CCDC126: variants seen among roughly 807,000 people sequenced by gnomAD.
The protein encoded by CCDC126 is coiled-coil domain containing 126.
Under a neutral mutation model 11.7 loss-of-function variants are expected in CCDC126, and 5 were observed. The observed-to-expected ratio is 0.43, with a 90% CI of 0.22 to 0.90. The LOEUF is 0.90. Among genes scored for constraint, CCDC126 ranks in the 40% least tolerant of loss-of-function variants. The pLI is 0.27. For missense variants in CCDC126, 150 were observed against 163.1 expected, an observed-to-expected ratio of 0.92 and a Z score of 0.44; for synonymous variants, 60 against 61.9, an observed-to-expected ratio of 0.97 and a Z score of 0.14.
chr7:23,611,236 T>A lies in CCDC126; in HGVS notation c.-80T>A. On this transcript the variant is annotated 5_prime_UTR_variant, in exon 3 of 4. Coordinates refer to ENST00000307471, the MANE Select transcript of CCDC126 (RefSeq NM_138771.4). The stretch of plus-strand genomic sequence containing the variant: ...ATACAATATTGAGGATATTTTTTTC[T>A]TTTTTTTTTCAAGTCTTGATTTGTG... 1 of 728,734 alleles carries A rather than the reference T, an allele frequency of 1.4e-6. No homozygotes were observed. Among genetic ancestry groups the A allele is most frequent in the Non-Finnish European group, 2.3e-6 (1 of 438,004 alleles). The allele number at this position is 728,734 out of a possible 1,614,324, so 45.1% of individuals were successfully genotyped here.
chr7:23,618,537 A>C (rs2128017414), intron 3 of CCDC126, among the ~76,000 whole-genome samples: 1 of 114,114 alleles, frequency 8.8e-6, no homozygotes, highest in African/African-American at 3.8e-5. Flanking sequence ...AGATCAGCTA[A>C]ATTTTTTTTT....
At chr7:23,635,506 A>G (rs1783194177) in intron 3 of CCDC126, among the ~76,000 whole-genome samples, 1 of 152,244 alleles carries the variant, frequency 6.6e-6, no homozygotes, top group African/African-American at 2.4e-5. Context: ...ATATAGAGAA[A>G]GGAGGATGTT....
chr7:23,605,083 T>C (rs998920313), intron 2 of CCDC126, among the ~76,000 whole-genome samples: 4 of 152,056 alleles, frequency 2.6e-5, no homozygotes, highest in Non-Finnish European at 4.4e-5. Flanking sequence ...TGAAAACATT[T>C]TGAAGCGATG....
At chr7:23,619,488 T>A in intron 3 of CCDC126, 1 of 373,986 alleles carries the variant, frequency 2.7e-6, no homozygotes, top group Middle Eastern at 5.0e-4. Flanking sequence ...CCCAACACCC[T>A]TCCTGCCTAT....
intron 3 of CCDC126, among the ~76,000 whole-genome samples, chr7:23,612,349 C>T (rs1782727373): frequency 6.6e-6 from 1 of 151,260 alleles, no homozygotes; most frequent in East Asian, 1.9e-4. Flanking sequence ...CCTGTAATCC[C>T]AGCTACTCGG....
intron 2 of CCDC126, among the ~76,000 whole-genome samples, chr7:23,604,483 T>C (rs1782589540): frequency 6.6e-6 from 1 of 152,180 alleles, no homozygotes; most frequent in African/African-American, 2.4e-5. Context: ...AGACATTTCC[T>C]GTATTACCTA....
At chr7:23,634,642 C>T (rs906699521) in intron 3 of CCDC126, among the ~76,000 whole-genome samples, 1 of 152,120 alleles carries the variant, frequency 6.6e-6, no homozygotes, top group African/African-American at 2.4e-5. Context: ...TGGCATTTTC[C>T]AAGTTCCCAA....
rs1043281996 is a variant in CCDC126, at chr7:23,641,509, A to G, written c.239-1422A>G. On this transcript the variant is annotated intron_variant, in intron 3 of 3. Transcript: ENST00000307471. ...TTATGCACAAAAGTTTTAAATATCGATGAAGTCCAGTTTATCTATTTTCTC... is the reference window on the plus strand; with the variant it reads ...TTATGCACAAAAGTTTTAAATATCGGTGAAGTCCAGTTTATCTATTTTCTC... Among the ~76,000 whole-genome samples the G allele has an allele frequency of 2.4e-4, 37 of 152,120 alleles. 1 individual carries two copies. Among genetic ancestry groups the G allele is most frequent in the Non-Finnish European group, 5.9e-5 (4 of 68,010 alleles).
chr7:23,640,621 A>G, intron 3 of CCDC126, among the ~76,000 whole-genome samples: 1 of 152,170 alleles, frequency 6.6e-6, no homozygotes. Context: ...AATCTATAAA[A>G]TTTGAGCAGT....
chr7:23,623,064 C>T (rs1348031327), intron 3 of CCDC126, among the ~76,000 whole-genome samples: 3 of 148,950 alleles, frequency 2.0e-5, no homozygotes, highest in African/African-American at 7.5e-5. Flanking sequence ...GCCTCTGCCT[C>T]CCGGGTTCAG....
Position 23,611,636 on chromosome 7 carries a change from A to G in CCDC126, c.238+83A>G, listed in dbSNP as rs529183051. 17 of 931,610 alleles carry G rather than the reference A, an allele frequency of 1.8e-5. No homozygotes were observed. In the East Asian group the frequency reaches 3.1e-4, roughly 17 times the overall value. The allele number at this position is 931,610 out of a possible 1,614,324, so 57.7% of individuals were successfully genotyped here. ...GGAAATTGAACTTATTACTTCATGC[A>G]TAGGTCTTTGCAAAGTAATTTTTTC... On this transcript the variant is annotated intron_variant, in intron 3 of 3. Coordinates refer to ENST00000307471, the MANE Select transcript of CCDC126 (RefSeq NM_138771.4).
At chr7:23,639,440 G>A (rs1045676610) in intron 3 of CCDC126, among the ~76,000 whole-genome samples, 2 of 152,170 alleles carry the variant, frequency 1.3e-5, no homozygotes, top group Non-Finnish European at 2.9e-5. Flanking sequence ...CTGACCTCAA[G>A]TGATCCATCC....
rs1320099931 is a variant in CCDC126, at chr7:23,605,033, C to T, written c.-145-6138C>T. 4.6e-5 allele frequency among the ~76,000 whole-genome samples: 7 copies of T among 151,608 alleles called. 1 individual carries two copies. In the East Asian group the frequency reaches 1.2e-3, roughly 25 times the overall value. On this transcript the variant is annotated intron_variant, in intron 2 of 3. Coordinates refer to ENST00000307471, the MANE Select transcript of CCDC126 (RefSeq NM_138771.4). ...AAAAAAAGAAAATGATAGAGAGTAC[C>T]TTGTGGCTAGAGTGGGATAGGAATT... is the stretch of plus-strand genomic sequence containing the variant.
chr7:23,606,299 C>T (rs535269226), intron 2 of CCDC126, among the ~76,000 whole-genome samples: 29 of 152,278 alleles, frequency 1.9e-4, no homozygotes, highest in African/African-American at 6.5e-4. Flanking sequence ...ACCTCGTGAT[C>T]TGCCTGCCTT....
Position 23,644,518 on chromosome 7 carries a change from G to A in CCDC126, c.*1403G>A, listed in dbSNP as rs1419524473. On this transcript the variant is annotated 3_prime_UTR_variant, in exon 4 of 4. Transcript: ENST00000307471. ...TATTAAAATAAATATGTGAAATATT[G>A]TTTCATGAAAGACAGATTTCCAAAT... is the stretch of plus-strand genomic sequence containing the variant. The A allele has an allele frequency of 6.6e-6, 1 of 152,404 alleles. No individual in the cohort carries two copies. Among genetic ancestry groups the A allele is most frequent in the African/African-American group, 2.4e-5 (1 of 41,408 alleles). 9.4% of individuals were successfully genotyped at this position (152,404 alleles called of 1,614,324 possible).
chr7:23,615,462 A>AT (rs1782781559), intron 3 of CCDC126, among the ~76,000 whole-genome samples: 1 of 152,184 alleles, frequency 6.6e-6, no homozygotes, highest in East Asian at 1.9e-4. Flanking sequence ...CTTATTGTTC[A>AT]TGTGTTCCCT....
intron 2 of CCDC126, among the ~76,000 whole-genome samples, chr7:23,607,043 G>A (rs114558027): frequency 0.014 from 2,202 of 152,310 alleles, 43 homozygotes; most frequent in African/African-American, 0.04. Flanking sequence ...AGGCTGCAGT[G>A]AGCTGAGATC....
chr7:23,633,640 G>A (rs776837799), intron 3 of CCDC126, among the ~76,000 whole-genome samples: 6 of 152,112 alleles, frequency 3.9e-5, no homozygotes, highest in Non-Finnish European at 8.8e-5. Context: ...AAGGAGGGAG[G>A]ATCACTTAAG....
chr7:23,601,164 G>A (rs551213009), intron 2 of CCDC126, among the ~76,000 whole-genome samples: 1 of 152,164 alleles, frequency 6.6e-6, no homozygotes, highest in Admixed American at 6.5e-5. Flanking sequence ...CAGGAAGATC[G>A]CCTGAGCTCA....
Sources: allele counts gnomAD v4.1 joint callset (sites outside exome capture counted in the v4.1 genomes callset), GRCh38; gene constraint gnomAD v4.1.1; transcripts MANE v1.5; gene names NCBI Gene and HGNC (gene_info 2026-07-23, HGNC 2026-07-21).